Variants in ARHGEF33 observed in about 807,000 individuals in gnomAD.
ARHGEF33 encodes the protein DH and coiled-coil domain-containing protein ENSP00000381780.
In ARHGEF33, 72 loss-of-function variants were observed where a neutral mutation model predicts 101.9. That is an observed-to-expected ratio of 0.71 (90% CI 0.58 to 0.86). The LOEUF (loss-of-function observed/expected upper bound fraction) is 0.86, where lower values mean the gene tolerates loss of function less well. Ranked by LOEUF, ARHGEF33 falls within the 40% of genes least tolerant of loss-of-function variation. ARHGEF33 has a pLI of 0.00. For synonymous variants in ARHGEF33, 499 were observed against 442.5 expected, an observed-to-expected ratio of 1.13 and a Z score of -1.60; for missense variants, 1,169 against 1,111.3, an observed-to-expected ratio of 1.05 and a Z score of -0.74.
chr2:38,897,353 G>C (rs530771227), intron 2 of ARHGEF33, among the ~76,000 whole-genome samples: 2 of 152,264 alleles, frequency 1.3e-5, no homozygotes, highest in Admixed American at 1.3e-4. Flanking sequence ...AAAAACAGAG[G>C]AAGTTGAATT....
At chr2:38,891,770 C>T (rs966226815) in intron 1 of ARHGEF33, among the ~76,000 whole-genome samples, 1 of 150,040 alleles carries the variant, frequency 6.7e-6, no homozygotes, top group African/African-American at 2.5e-5. Flanking sequence ...ACAGTTTAAC[C>T]AACATGCATC....
intron 1 of ARHGEF33, among the ~76,000 whole-genome samples, chr2:38,893,224 A>G (rs2124975094): frequency 6.7e-6 from 1 of 148,678 alleles, no homozygotes; most frequent in Non-Finnish European, 1.5e-5. Context: ...GTGCAGTGGC[A>G]CAGTCTTGGC....
chr2:38,897,668 G>T (rs968635867), intron 2 of ARHGEF33, among the ~76,000 whole-genome samples: 6 of 152,208 alleles, frequency 3.9e-5, no homozygotes, highest in Non-Finnish European at 8.8e-5. Flanking sequence ...TGAACTTGTA[G>T]AAGTGAGACT....
At chr2:38,957,153 G>C in intron 14 of ARHGEF33, 106 bp downstream of exon 14, 1 of 1,366,318 alleles carries the variant, frequency 7.3e-7, no homozygotes, top group Non-Finnish European at 1.0e-6. Flanking sequence ...AGTGGTGGGA[G>C]GTAGAAGGAA....
chr2:38,911,527 C>T lies in ARHGEF33; in HGVS notation c.-85-7836C>T, dbSNP rs578004600. ...GGGGAGGAGGGTACACGTTCTAGGTCAGTCTAGGGGAGGGTCAGGAGACTT... is the reference window on the plus strand; with the variant it reads ...GGGGAGGAGGGTACACGTTCTAGGTTAGTCTAGGGGAGGGTCAGGAGACTT... On this transcript the variant is annotated intron_variant, in intron 2 of 17. Transcript: ENST00000409978. 1.3e-4 allele frequency among the ~76,000 whole-genome samples: 20 copies of T among 152,218 alleles called. No individual in the cohort carries two copies. The South Asian group carries it at 4.2e-3, about 32-fold the overall frequency.
At chr2:38,959,761 C>A in intron 15 of ARHGEF33, 80 bp from the exon 16 acceptor site, 1 of 1,427,972 alleles carries the variant, frequency 7.0e-7, no homozygotes, top group Non-Finnish European at 9.3e-7. Context: ...GAGCGCGGCC[C>A]CGAGGGGCGC....
intron 17 of ARHGEF33, 87 bp downstream of exon 17, chr2:38,966,232 G>C: frequency 1.4e-6 from 2 of 1,467,024 alleles, no homozygotes; most frequent in Non-Finnish European, 1.8e-6. Flanking sequence ...GTATCAAGTA[G>C]CCTGGTCTCA....
intron 16 of ARHGEF33, among the ~76,000 whole-genome samples, chr2:38,963,844 C>T (rs6753426): frequency 0.054 from 8,174 of 152,140 alleles, 794 homozygotes; most frequent in African/African-American, 0.19. Flanking sequence ...TCAGTGGTCC[C>T]CGACTTTTTT....
At chr2:38,973,597 A>C (rs1415010563) in intron 17 of ARHGEF33, 117 bp from the exon 18 acceptor site, 1 of 1,163,634 alleles carries the variant, frequency 8.6e-7, no homozygotes, top group Non-Finnish European at 1.2e-6. Context: ...AGTAAAAAGT[A>C]TTCCAGTTCT....
At chr2:38,938,577 C>G (rs1479510395) in intron 9 of ARHGEF33, among the ~76,000 whole-genome samples, 1 of 152,118 alleles carries the variant, frequency 6.6e-6, no homozygotes, top group African/African-American at 2.4e-5. Context: ...TTTACTAATA[C>G]TTTATTGAAG....
chr2:38,916,207 A>G (rs975327107), intron 2 of ARHGEF33, among the ~76,000 whole-genome samples: 1 of 152,122 alleles, frequency 6.6e-6, no homozygotes, highest in Non-Finnish European at 1.5e-5. Context: ...TTCCAGGAAA[A>G]ATCACCCACA....
intron 7 of ARHGEF33, among the ~76,000 whole-genome samples, chr2:38,935,121 G>T (rs1009673220): frequency 2.0e-5 from 3 of 152,062 alleles, no homozygotes; most frequent in African/African-American, 7.2e-5. Flanking sequence ...CATTATAAGG[G>T]CTTTGGCTTT....
chr2:38,969,842 G>C (rs761035793), intron 17 of ARHGEF33, among the ~76,000 whole-genome samples: 5 of 152,230 alleles, frequency 3.3e-5, no homozygotes, highest in Admixed American at 2.0e-4. Flanking sequence ...CTGCCTTTGA[G>C]CAGGATGGAA....
Position 38,960,460 on chromosome 2 carries a change from G to C in ARHGEF33, c.2155G>C (p.Asp719His). 2 of 1,493,798 alleles carry C rather than the reference G, an allele frequency of 1.3e-6. No individual in the cohort carries two copies. Among genetic ancestry groups the C allele is most frequent in the East Asian group, 2.7e-5 (1 of 37,356 alleles). The allele number at this position is 1,493,798 out of a possible 1,614,324, so 92.5% of individuals were successfully genotyped here. Residue 719 changes from aspartate to histidine, a missense_variant, in exon 16 of 18, where the codon GAC becomes CAC. Asp to His is a moderately conservative substitution (Grantham distance 81). Coordinates refer to ENST00000409978, the MANE Select transcript of ARHGEF33 (RefSeq NM_001145451.5). Reference sequence around the variant, plus strand: ...AGAGTTCCCGCGTGCGCCGCCAGCCGACGGCGTGGCCCCACGCCTCTACAG... The same window carrying C: ...AGAGTTCCCGCGTGCGCCGCCAGCCCACGGCGTGGCCCCACGCCTCTACAG... ...LKEFPRAPPA[D>H]GVAPRLYSTR...
intron 10 of ARHGEF33, among the ~76,000 whole-genome samples, chr2:38,948,125 C>G (rs750042546): frequency 4.6e-5 from 7 of 151,984 alleles, no homozygotes; most frequent in African/African-American, 1.7e-4. Flanking sequence ...CTGAATACTT[C>G]GTCTTCATGA....
chr2:38,937,311 C>CTTGGGGGGGG, intron 8 of ARHGEF33, 24 bp from the exon 9 acceptor site: 2 of 583,930 alleles, frequency 3.4e-6, no homozygotes, highest in Non-Finnish European at 6.0e-6. Flanking sequence ...CTTTGTTTCC[C>CTTGGGGGGGG]CGCCCCTCCC....
intron 2 of ARHGEF33, among the ~76,000 whole-genome samples, chr2:38,904,541 A>G (rs1356073420): frequency 6.6e-6 from 1 of 151,990 alleles, no homozygotes; most frequent in Non-Finnish European, 1.5e-5. Flanking sequence ...TCCCATCCCT[A>G]CTAAAAATAC....
At chr2:38,966,436 A>C (rs1558446954) in intron 17 of ARHGEF33, among the ~76,000 whole-genome samples, 1 of 152,094 alleles carries the variant, frequency 6.6e-6, no homozygotes, top group East Asian at 1.9e-4. Context: ...TCCCTTGAGA[A>C]ATGAGCTGGT....
chr2:38,968,799 T>C (rs1668105804), intron 17 of ARHGEF33, among the ~76,000 whole-genome samples: 1 of 152,238 alleles, frequency 6.6e-6, no homozygotes, highest in South Asian at 2.1e-4. Flanking sequence ...TTTTTAGATC[T>C]GGCCTAGGGC....
Sources: allele counts gnomAD v4.1 joint callset (sites outside exome capture counted in the v4.1 genomes callset), GRCh38; gene constraint gnomAD v4.1.1; transcripts MANE v1.5; gene names NCBI Gene and HGNC (gene_info 2026-07-23, HGNC 2026-07-21).